RASSF9: variants seen among roughly 807,000 people sequenced by gnomAD.
RASSF9 encodes Ras association domain family member 9, also known as ras association domain-containing protein 9.
Under a neutral mutation model 21.4 loss-of-function variants are expected in RASSF9, and 18 were observed. The observed-to-expected ratio is 0.84, with a 90% CI of 0.58 to 1.25. RASSF9 has a LOEUF of 1.25. Ranked by LOEUF, RASSF9 falls within the 50% of genes most tolerant of loss-of-function variation. RASSF9 has a pLI of 0.00. For synonymous variants in RASSF9, 183 were observed against 179.1 expected (o/e 1.02, Z -0.18); for missense variants, 480 against 503.2 (o/e 0.95, Z 0.44).
At chr12:85,821,248 T>C (rs1880204637) in intron 1 of RASSF9, among the ~76,000 whole-genome samples, 1 of 152,208 alleles carries the variant, frequency 6.6e-6, no homozygotes, top group Non-Finnish European at 1.5e-5. Flanking sequence ...TGAAGGCATT[T>C]TAGGTAAAGC....
intron 1 of RASSF9, 69 bp from the exon 2 acceptor site, chr12:85,806,031 A>G: frequency 2.0e-6 from 3 of 1,473,574 alleles, no homozygotes; most frequent in South Asian, 2.7e-5. Context: ...ATGGTTTAAC[A>G]TTAGTATGCT....
At chr12:85,814,240 C>A (rs190412045) in intron 1 of RASSF9, among the ~76,000 whole-genome samples, 1 of 152,072 alleles carries the variant, frequency 6.6e-6, no homozygotes, top group African/African-American at 2.4e-5. Context: ...CTCAGTGGTT[C>A]CCTACCAAGG....
chr12:85,821,921 A>C (rs1014782006), intron 1 of RASSF9, among the ~76,000 whole-genome samples: 1 of 152,216 alleles, frequency 6.6e-6, no homozygotes, highest in Non-Finnish European at 1.5e-5. Context: ...ATTATAGTCC[A>C]AATGTAAATA....
In RASSF9 at chr12:85,808,166, TAAC is replaced by T. The variant is rs935026503; in HGVS notation, c.48-2207_48-2205del. Among the ~76,000 whole-genome samples the T allele has an allele frequency of 1.9e-4, 25 of 131,476 alleles. 1 individual carries two copies. The highest frequency in any genetic ancestry group is 7.5e-4 in the Admixed American group (10 of 13,372). 86.3% of individuals were successfully genotyped at this position (131,476 alleles called of 152,430 possible). ...CTATGTTGCTATCTTTATTTTAAATTAACTAACTCTTATACTTTGGTTATTGAC... is the reference window on the plus strand; with the variant it reads ...CTATGTTGCTATCTTTATTTTAAATTTAACTCTTATACTTTGGTTATTGAC... On this transcript the variant is annotated intron_variant, in intron 1 of 1. Transcript: ENST00000361228.
chr12:85,817,744 G>T (rs1880107858), intron 1 of RASSF9, among the ~76,000 whole-genome samples: 1 of 151,918 alleles, frequency 6.6e-6, no homozygotes, highest in South Asian at 2.1e-4. Flanking sequence ...TTTATATTCA[G>T]AAAATTGTCA....
intron 1 of RASSF9, among the ~76,000 whole-genome samples, chr12:85,821,053 A>G (rs776775091): frequency 5.9e-5 from 9 of 152,136 alleles, no homozygotes; most frequent in Non-Finnish European, 1.3e-4. Flanking sequence ...CTGAGACAGG[A>G]CAATTGCTTG....
rs150024202 is a variant in RASSF9, at chr12:85,807,243, G to C, written c.48-1281C>G. On this transcript the variant is annotated intron_variant, in intron 1 of 1. Transcript: ENST00000361228. ...ATCTAGGGACAGCAATACTGTGAAT[G>C]TAGTTGAAAGCTGAGGATAGCAGAG... Among the ~76,000 whole-genome samples, 1,164 of 152,262 alleles carry C rather than the reference G, an allele frequency of 7.6e-3. 3 individuals carry two copies. Among genetic ancestry groups the C allele is most frequent in the Non-Finnish European group, 0.013 (882 of 68,012 alleles).
intron 1 of RASSF9, among the ~76,000 whole-genome samples, chr12:85,827,743 C>T (rs896898743): frequency 6.6e-6 from 1 of 152,164 alleles, no homozygotes; most frequent in Non-Finnish European, 1.5e-5. Context: ...ACAAGCCTGA[C>T]ATGCCTGATT....
At chr12:85,821,434 G>C (rs186954536) in intron 1 of RASSF9, among the ~76,000 whole-genome samples, 61 of 152,224 alleles carry the variant, frequency 4.0e-4, no homozygotes, top group African/African-American at 1.5e-3. Flanking sequence ...AGGTTGCTAA[G>C]GAAATTTGAA....
intron 1 of RASSF9, among the ~76,000 whole-genome samples, chr12:85,824,360 T>A (rs561536470): frequency 2.0e-5 from 3 of 152,270 alleles, no homozygotes; most frequent in South Asian, 4.1e-4. Flanking sequence ...AATCACTGTT[T>A]GTTTTATCCT....
chr12:85,822,544 A>G (rs1187832249), intron 1 of RASSF9, among the ~76,000 whole-genome samples: 1 of 152,196 alleles, frequency 6.6e-6, no homozygotes, highest in Non-Finnish European at 1.5e-5. Context: ...CTGCCACTCT[A>G]TTTTGTTAAG....
chr12:85,836,289 G>A lies in RASSF9; in HGVS notation c.-88C>T. On this transcript the variant is annotated 5_prime_UTR_variant, in exon 1 of 2. Transcript: ENST00000361228. Reference sequence around the variant, plus strand: ...GTCTGGATTTCCAGGGTGAAGGGAGGAGGGCTGGAAGCTTTCTCTTCTCCT... The same window carrying A: ...GTCTGGATTTCCAGGGTGAAGGGAGAAGGGCTGGAAGCTTTCTCTTCTCCT... The A allele has an allele frequency of 2.0e-6, 3 of 1,518,634 alleles. No homozygotes were observed. The highest frequency in any genetic ancestry group is 2.5e-5 in the East Asian group (1 of 40,344). The allele number at this position is 1,518,634 out of a possible 1,614,324, so 94.1% of individuals were successfully genotyped here.
At position 85,804,554 on chromosome 12, in the gene RASSF9, A is replaced by G; in HGVS notation, c.*148T>C. ...AAAGTTCCTTTGGAAATTTCACATCAGAAACAACACATTTCTCGAGTTTTT... is the reference window on the plus strand; with the variant it reads ...AAAGTTCCTTTGGAAATTTCACATCGGAAACAACACATTTCTCGAGTTTTT... On this transcript the variant is annotated 3_prime_UTR_variant, in exon 2 of 2. Coordinates refer to ENST00000361228, the MANE Select transcript of RASSF9 (RefSeq NM_005447.4). 1 of 815,630 alleles carries G rather than the reference A, an allele frequency of 1.2e-6. No homozygotes were observed. Among genetic ancestry groups the G allele is most frequent in the Non-Finnish European group, 1.7e-6 (1 of 573,234 alleles). The allele number at this position is 815,630 out of a possible 1,614,324, so 50.5% of individuals were successfully genotyped here.
intron 1 of RASSF9, among the ~76,000 whole-genome samples, chr12:85,821,375 C>G (rs1044426724): frequency 3.9e-5 from 6 of 152,210 alleles, no homozygotes; most frequent in African/African-American, 1.4e-4. Flanking sequence ...GAGCTGCAAT[C>G]TTAGGGAGAG....
chr12:85,804,649 T>G lies in RASSF9; in HGVS notation c.*53A>C. The G allele has an allele frequency of 6.9e-7, 1 of 1,451,902 alleles. No homozygotes were observed. The highest frequency in any genetic ancestry group is 9.2e-7 in the Non-Finnish European group (1 of 1,082,976). 89.9% of individuals were successfully genotyped at this position (1,451,902 alleles called of 1,614,324 possible). A position where few individuals can be genotyped will look rare whatever the true frequency, so the allele number is the denominator to read the frequency against. ...TTATATTTAAAATGAGGTTTCCTAT[T>G]AAATTAAACAAACATTAAAACATGA... On this transcript the variant is annotated 3_prime_UTR_variant, in exon 2 of 2. Transcript: ENST00000361228.
chr12:85,823,390 T>C (rs1472923160), intron 1 of RASSF9, among the ~76,000 whole-genome samples: 11 of 152,144 alleles, frequency 7.2e-5, no homozygotes, highest in African/African-American at 2.7e-4. Context: ...TCTCCTTGAC[T>C]GTTACGATGC....
At chr12:85,810,217 A>T (rs1879922184) in intron 1 of RASSF9, among the ~76,000 whole-genome samples, 1 of 151,986 alleles carries the variant, frequency 6.6e-6, no homozygotes, top group Non-Finnish European at 1.5e-5. Flanking sequence ...GCTGCGGCTG[A>T]GTTTCTATTC....
chr12:85,811,862 T>G (rs533502528), intron 1 of RASSF9, among the ~76,000 whole-genome samples: 1 of 151,904 alleles, frequency 6.6e-6, no homozygotes, highest in African/African-American at 2.4e-5. Context: ...AGTACCATCT[T>G]ACTCAGTGTT....
At position 85,804,403 on chromosome 12, in the gene RASSF9, C is replaced by T. The variant is rs1879768198; in HGVS notation, c.*299G>A. 7.5e-6 allele frequency: 2 copies of T among 265,294 alleles called. No homozygotes were observed. Among genetic ancestry groups the T allele is most frequent in the East Asian group, 1.4e-4 (2 of 14,032 alleles). The allele number at this position is 265,294 out of a possible 1,614,324, so 16.4% of individuals were successfully genotyped here. A position where few individuals can be genotyped will look rare whatever the true frequency, so the allele number is the denominator to read the frequency against. ...GATTGCTTTTAAAGTTTATGTAAAT[C>T]GTTTTCCACAGACGCTAAGGAAGAT... On this transcript the variant is annotated 3_prime_UTR_variant, in exon 2 of 2. Coordinates refer to ENST00000361228, the MANE Select transcript of RASSF9 (RefSeq NM_005447.4).
Sources: allele counts gnomAD v4.1 joint callset (sites outside exome capture counted in the v4.1 genomes callset), GRCh38; gene constraint gnomAD v4.1.1; transcripts MANE v1.5; gene names NCBI Gene and HGNC (gene_info 2026-07-23, HGNC 2026-07-21).